The following GRIN2A variants were observed in gnomAD, a reference collection of about 807,000 sequenced individuals.
GRIN2A encodes the protein glutamate ionotropic receptor NMDA type subunit 2A, also known as glutamate receptor ionotropic, NMDA 2A.
In GRIN2A, 22 loss-of-function variants were observed where a neutral mutation model predicts 113.4. The ratio of observed to expected loss-of-function variants is 0.19; its 90% CI spans 0.14 to 0.28. GRIN2A has a LOEUF of 0.28. GRIN2A is among the 10% of genes least tolerant of loss of function. The pLI is 1.00. For missense variants in GRIN2A, 1,502 were observed against 1,887.0 expected (o/e 0.80, Z 3.78); for synonymous variants, 827 against 738.4 (o/e 1.12, Z -1.94).
chr16:10,148,942 G>C (rs1230806050), intron 2 of GRIN2A, among the ~76,000 whole-genome samples: 1 of 152,178 alleles, frequency 6.6e-6, no homozygotes, highest in Non-Finnish European at 1.5e-5. Context: ...TGGAAGTCAT[G>C]ACGTTAAGTG....
chr16:9,980,627 C>T (rs2045872861), intron 2 of GRIN2A, among the ~76,000 whole-genome samples: 1 of 152,006 alleles, frequency 6.6e-6, no homozygotes, highest in Non-Finnish European at 1.5e-5. Flanking sequence ...GAAAATGTGG[C>T]ACATATACAC....
In GRIN2A at chr16:9,959,552, C is replaced by A. The variant is rs1174243693; in HGVS notation, c.415-21001G>T. On this transcript the variant is annotated intron_variant, in intron 2 of 12. Coordinates refer to ENST00000330684, the MANE Select transcript of GRIN2A (RefSeq NM_001134407.3). Reference sequence around the variant, plus strand: ...CGATGTGCAACGTATCAACTCTTCACCTGGGATGATTTATTCCAGGAGTCG... The same window carrying A: ...CGATGTGCAACGTATCAACTCTTCAACTGGGATGATTTATTCCAGGAGTCG... Among the ~76,000 whole-genome samples the A allele has an allele frequency of 1.3e-5, 2 of 152,242 alleles. 1 individual carries two copies. Among genetic ancestry groups the A allele is most frequent in the Admixed American group, 1.3e-4 (2 of 15,292 alleles).
At chr16:9,792,540 C>A (rs993016051) in intron 11 of GRIN2A, among the ~76,000 whole-genome samples, 1 of 152,006 alleles carries the variant, frequency 6.6e-6, no homozygotes, top group African/African-American at 2.4e-5. Context: ...AATATCAATG[C>A]GAGAGATATG....
rs1433820385 is a variant in GRIN2A at position 10,129,811 on chromosome 16, T to C, written c.414+50187A>G. Among the ~76,000 whole-genome samples the C allele has an allele frequency of 2.6e-5, 4 of 152,224 alleles. No homozygotes were observed. The East Asian group carries it at 5.8e-4, about 22-fold the overall frequency. On this transcript the variant is annotated intron_variant, in intron 2 of 12. Transcript: ENST00000330684. Reference sequence around the variant, plus strand: ...ATATGGGTTTTGTCATCGTTCTTACTCACTCGACCAGCGAGGTCATGCATT... The same window carrying C: ...ATATGGGTTTTGTCATCGTTCTTACCCACTCGACCAGCGAGGTCATGCATT...
At chr16:9,818,012 C>T (rs180763512) in intron 10 of GRIN2A, among the ~76,000 whole-genome samples, 25 of 150,710 alleles carry the variant, frequency 1.7e-4, no homozygotes, top group Non-Finnish European at 3.1e-4. Flanking sequence ...TGGTAAAGGA[C>T]GAGAATGACT....
chr16:9,911,476 C>T (rs770797902), intron 3 of GRIN2A, among the ~76,000 whole-genome samples: 3 of 152,182 alleles, frequency 2.0e-5, no homozygotes, highest in Non-Finnish European at 4.4e-5. Context: ...ATTTAACTAT[C>T]CGTAGCCTGT....
intron 2 of GRIN2A, among the ~76,000 whole-genome samples, chr16:9,979,924 T>A (rs2045859706): frequency 6.7e-6 from 1 of 149,168 alleles, no homozygotes; most frequent in Non-Finnish European, 1.5e-5. Flanking sequence ...ATATTGAAAA[T>A]GAAACTATAG....
chr16:9,918,284 A>G (rs1423296517), intron 3 of GRIN2A, among the ~76,000 whole-genome samples: 2 of 152,216 alleles, frequency 1.3e-5, no homozygotes, highest in South Asian at 2.1e-4. Context: ...ATGTTCCAAG[A>G]TCCCCAGTGG....
chr16:9,764,306 G>A lies in GRIN2A; in HGVS notation c.3238C>T (p.His1080Tyr). 2 of 1,614,076 alleles carry A rather than the reference G, an allele frequency of 1.2e-6. No individual in the cohort carries two copies. The highest frequency in any genetic ancestry group is 3.3e-4 in the Middle Eastern group (2 of 6,062). Residue 1080 changes from histidine (H) to tyrosine (Y), a missense_variant, in exon 13 of 13, where the codon CAC becomes TAC. His to Tyr is a moderately conservative substitution (Grantham distance 83, BLOSUM62 2). Around this residue, in one of 7 missense-constraint regions of GRIN2A, gnomAD observed 832 missense variants for 789.7 expected, o/e 1.05. Coordinates refer to ENST00000330684, the MANE Select transcript of GRIN2A (RefSeq NM_001134407.3). ...CHREPDNSKNHKTKDNFKRSV... is the reference protein window; with the variant it reads ...CHREPDNSKNYKTKDNFKRSV... ...CTTTTAAAGTTGTCCTTGGTTTTGT[G>A]GTTCTTACTGTTGTCAGGTTCCCTG...
intron 2 of GRIN2A, among the ~76,000 whole-genome samples, chr16:10,068,343 G>A (rs899443444): frequency 3.3e-5 from 5 of 152,224 alleles, no homozygotes; most frequent in Admixed American, 3.3e-4. Context: ...AGTTCTGCAG[G>A]CTTTACAGGA....
chr16:9,860,445 C>CA (rs35715098), intron 4 of GRIN2A, among the ~76,000 whole-genome samples: 1,378 of 57,794 alleles, frequency 0.024, 49 homozygotes, highest in African/African-American at 0.03. Context: ...AAGAGTCTCT[C>CA]AAAAAAAAAA....
At chr16:9,911,696 C>T (rs2044141046) in intron 3 of GRIN2A, among the ~76,000 whole-genome samples, 1 of 152,160 alleles carries the variant, frequency 6.6e-6, no homozygotes, top group Admixed American at 6.5e-5. Flanking sequence ...AAAGGTCTGT[C>T]TCCTAACCTG....
intron 2 of GRIN2A, among the ~76,000 whole-genome samples, chr16:10,065,171 G>A (rs1022827192): frequency 6.6e-6 from 1 of 152,140 alleles, no homozygotes; most frequent in Non-Finnish European, 1.5e-5. Context: ...TTATTTTAAG[G>A]TACCTCGCCT....
At position 9,761,557 on chromosome 16, in the gene GRIN2A, A is replaced by G. The variant is rs975271947; in HGVS notation, c.*1592T>C. ...CTATATAAAAGGTTTAGTTAATATT[A>G]TTTGCTGGTTTTATGATATTTAATT... On this transcript the variant is annotated 3_prime_UTR_variant, in exon 13 of 13. Transcript: ENST00000330684. The G allele has an allele frequency of 4.4e-6, 1 of 228,482 alleles. No homozygotes were observed. The highest frequency in any genetic ancestry group is 5.7e-5 in the Admixed American group (1 of 17,620). 14.2% of individuals were successfully genotyped at this position (228,482 alleles called of 1,614,324 possible).
At chr16:9,907,278 T>C (rs2044045611) in intron 3 of GRIN2A, among the ~76,000 whole-genome samples, 1 of 152,210 alleles carries the variant, frequency 6.6e-6, no homozygotes, top group African/African-American at 2.4e-5. Flanking sequence ...TGAAATACAA[T>C]ATGGGAATAC....
At chr16:9,877,258 A>G (rs1239991141) in intron 4 of GRIN2A, among the ~76,000 whole-genome samples, 2 of 152,252 alleles carry the variant, frequency 1.3e-5, no homozygotes, top group African/African-American at 2.4e-5. Context: ...AAGGTTTGGT[A>G]TAGAATAGGT....
At chr16:10,127,017 C>T (rs188605321) in intron 2 of GRIN2A, among the ~76,000 whole-genome samples, 3 of 152,284 alleles carry the variant, frequency 2.0e-5, no homozygotes, top group Admixed American at 1.3e-4. Context: ...CACACGCTTG[C>T]CCTATCCAAC....
intron 3 of GRIN2A, among the ~76,000 whole-genome samples, chr16:9,902,428 A>G (rs79197571): frequency 0.019 from 2,941 of 152,338 alleles, 38 homozygotes; most frequent in Middle Eastern, 0.061. Flanking sequence ...GGGTAGAAGG[A>G]GCCTGGGTCC....
chr16:9,764,439 A>G lies in GRIN2A; in HGVS notation c.3105T>C (p.Asp1035=). The G allele has an allele frequency of 6.2e-7, 1 of 1,614,022 alleles. No homozygotes were observed. Among genetic ancestry groups the G allele is most frequent in the Non-Finnish European group, 8.5e-7 (1 of 1,179,958 alleles). The part of the protein sequence containing the change: ...SLSQNPVSQR[D]EATAENRTHS... ...GGGTCCTATTCTCTGCTGTTGCCTC[A>G]TCCCTCTGGGAGACTGGATTCTGGG... Residue 1035 remains aspartate (D), a synonymous_variant, in exon 13 of 13, where the codon GAT becomes GAC. Transcript: ENST00000330684.
Sources: allele counts gnomAD v4.1 joint callset (sites outside exome capture counted in the v4.1 genomes callset), GRCh38; gene constraint gnomAD v4.1.1; regional missense constraint gnomAD v4.1.1; transcripts MANE v1.5; gene names NCBI Gene and HGNC (gene_info 2026-07-23, HGNC 2026-07-21).